Variants in UGT2B4 observed in about 807,000 individuals in gnomAD.
UGT2B4 encodes UDP-glucuronosyltransferase 2B4.
UGT2B4 carries 49 observed loss-of-function variants against 49.8 expected under a neutral mutation model. The observed-to-expected ratio is 0.98, with a 90% confidence interval of 0.78 to 1.25. The LOEUF is 1.25. Ranked by LOEUF, UGT2B4 falls within the 50% of genes most tolerant of loss-of-function variation. The pLI is 0.00. For missense variants in UGT2B4, 729 were observed against 627.7 expected (o/e 1.16, Z -1.73); for synonymous variants, 246 against 217.7 (o/e 1.13, Z -1.14).
At chr4:69,523,743 T>G (rs1318024169) in intron 1 of UGT2B4, among the ~76,000 whole-genome samples, 1 of 152,140 alleles carries the variant, frequency 6.6e-6, no homozygotes, top group Non-Finnish European at 1.5e-5. Context: ...ACTTCTTATC[T>G]TTCACTATTA....
At chr4:69,517,462 C>G (rs996934589) in intron 1 of UGT2B4, among the ~76,000 whole-genome samples, 3 of 152,056 alleles carry the variant, frequency 2.0e-5, no homozygotes, top group African/African-American at 4.8e-5. Context: ...CAAATAAAAT[C>G]TCTGTTTTAA....
In UGT2B4 at chr4:69,485,321, T is replaced by C. The variant is rs1360902507; in HGVS notation, c.1197A>G (p.Gln399=). 10 of 1,614,050 alleles carry C rather than the reference T, an allele frequency of 6.2e-6. No homozygotes were observed. In the African/African-American group the frequency reaches 1.1e-4, roughly 17 times the overall value. The change falls in exon 5 of 6, where the codon CAA becomes CAG. Residue 399 remains glutamine (Q), a synonymous_variant. Transcript: ENST00000305107. ...PMVGVPLFAD[Q]PDNIAHMKAK... is the part of the protein sequence containing the mutation. ...CCTTCATGTGTGCAATGTTATCAGGTTGATCTGCAAACAATGGAACGCCCA... is the reference window on the plus strand; with the variant it reads ...CCTTCATGTGTGCAATGTTATCAGGCTGATCTGCAAACAATGGAACGCCCA...
chr4:69,522,060 GT>G (rs1485218653), intron 1 of UGT2B4, among the ~76,000 whole-genome samples: 1 of 152,166 alleles, frequency 6.6e-6, no homozygotes, highest in Non-Finnish European at 1.5e-5. Context: ...AACATCATTG[GT>G]TGGTGAGTAA....
chr4:69,495,246 T>C lies in UGT2B4; in HGVS notation c.616A>G (p.Thr206Ala). The C allele has an allele frequency of 6.2e-7, 1 of 1,612,466 alleles. No homozygotes were observed. The highest frequency in any genetic ancestry group is 2.2e-5 in the East Asian group (1 of 44,840). ...ATATTTTTTACCCTCTCTATGAAAGTCATTTGGTCACTTAGTTCTGACATA... is the reference window on the plus strand; with the variant it reads ...ATATTTTTTACCCTCTCTATGAAAGCCATTTGGTCACTTAGTTCTGACATA... ...VVMSELSDQM[T>A]FIERVKNMIY... The change falls in exon 1 of 6, where the codon ACT (threonine) becomes GCT (alanine). Residue 206 changes from threonine to alanine, a missense_variant. Transcript: ENST00000305107.
intron 1 of UGT2B4, among the ~76,000 whole-genome samples, chr4:69,521,928 T>C (rs1728858954): frequency 6.6e-6 from 1 of 152,214 alleles, no homozygotes; most frequent in African/African-American, 2.4e-5. Context: ...AACTGATATA[T>C]CAAATGATGC....
upstream of UGT2B4, among the ~76,000 whole-genome samples, chr4:69,499,442 G>T (rs570214187): frequency 6.6e-6 from 1 of 152,256 alleles, no homozygotes; most frequent in East Asian, 1.9e-4. Flanking sequence ...TTGAAACTCT[G>T]TCTAATATTG....
intron 1 of UGT2B4, among the ~76,000 whole-genome samples, chr4:69,506,571 C>T (rs1303554005): frequency 6.6e-6 from 1 of 152,064 alleles, no homozygotes; most frequent in Non-Finnish European, 1.5e-5. Context: ...AAAATTGAAG[C>T]TGTAATAAAT....
At chr4:69,523,497 C>A (rs79407331) in intron 1 of UGT2B4, among the ~76,000 whole-genome samples, 5,162 of 151,962 alleles carry the variant, frequency 0.034, 119 homozygotes, top group African/African-American at 0.071. Flanking sequence ...ATTTTCTGAG[C>A]AATAGATCTC....
intron 1 of UGT2B4, among the ~76,000 whole-genome samples, chr4:69,507,474 C>T (rs1417835117): frequency 6.6e-6 from 1 of 151,954 alleles, no homozygotes; most frequent in African/African-American, 2.4e-5. Flanking sequence ...TCACAGTTGC[C>T]ACAAAAAGAA....
intron 1 of UGT2B4, among the ~76,000 whole-genome samples, chr4:69,516,362 T>C (rs1031404905): frequency 6.6e-6 from 1 of 152,218 alleles, no homozygotes. Flanking sequence ...ATGGGAACGC[T>C]GAGTCAAGTG....
intron 1 of UGT2B4, among the ~76,000 whole-genome samples, chr4:69,504,997 T>C (rs1003724557): frequency 3.3e-5 from 5 of 152,056 alleles, no homozygotes; most frequent in Non-Finnish European, 4.4e-5. Context: ...AAATAAGATA[T>C]TTTTTAGGCA....
chr4:69,486,332 A>T (rs538889379), intron 4 of UGT2B4, among the ~76,000 whole-genome samples: 7 of 152,306 alleles, frequency 4.6e-5, no homozygotes, highest in African/African-American at 1.7e-4. Context: ...AATATGAGAA[A>T]GGAAGACAAC....
intron 3 of UGT2B4, among the ~76,000 whole-genome samples, chr4:69,489,147 T>A (rs1465009507): frequency 6.6e-6 from 1 of 152,124 alleles, no homozygotes; most frequent in Non-Finnish European, 1.5e-5. Flanking sequence ...AATTTGGTGA[T>A]AGCTCTTACC....
chr4:69,492,989 T>C (rs931146994), intron 2 of UGT2B4, among the ~76,000 whole-genome samples: 21 of 152,122 alleles, frequency 1.4e-4, no homozygotes, highest in African/African-American at 4.8e-4. Context: ...TTTTTAGTAG[T>C]CCCTAAATGT....
chr4:69,489,371 TGG>T, intron 3 of UGT2B4, 66 bp downstream of exon 3: 1 of 1,584,752 alleles, frequency 6.3e-7, no homozygotes, highest in Non-Finnish European at 8.6e-7. Flanking sequence ...TTTCTACAAT[TGG>T]GTTCTTTACA....
intron 5 of UGT2B4, among the ~76,000 whole-genome samples, chr4:69,482,872 T>C (rs532987998): frequency 6.6e-6 from 1 of 151,938 alleles, no homozygotes; most frequent in African/African-American, 2.4e-5. Context: ...TCCCAAAGTG[T>C]CTTTTTTTTT....
upstream of UGT2B4, among the ~76,000 whole-genome samples, chr4:69,500,657 GAA>G (rs1286501916): frequency 1.7e-5 from 2 of 118,948 alleles, no homozygotes; most frequent in African/African-American, 5.2e-5. Context: ...AAGAAAGAAA[GAA>G]AGAAAGAAAG....
At chr4:69,482,285 T>A (rs1368326741) in intron 5 of UGT2B4, among the ~76,000 whole-genome samples, 1 of 152,240 alleles carries the variant, frequency 6.6e-6, no homozygotes, top group Non-Finnish European at 1.5e-5. Context: ...TATTTTGAAC[T>A]TATTTGATTC....
chr4:69,488,896 T>C (rs765712753), intron 3 of UGT2B4, among the ~76,000 whole-genome samples: 1 of 152,096 alleles, frequency 6.6e-6, no homozygotes, highest in Non-Finnish European at 1.5e-5. Context: ...TAGGCCTTCC[T>C]TTCTCTGAAT....
Sources: gnomAD v4.1 joint callset for allele counts (sites outside exome capture counted in the v4.1 genomes callset) on GRCh38, gnomAD v4.1.1 for gene constraint, MANE v1.5 for transcripts, NCBI Gene and HGNC (gene_info 2026-07-23, HGNC 2026-07-21) for gene names.